The following STON1 variants were observed in gnomAD, a reference collection of about 807,000 sequenced individuals.
STON1 encodes the protein stonin-1.
In STON1, 79 loss-of-function variants were observed where a neutral mutation model predicts 60.9. The ratio of observed to expected loss-of-function variants is 1.30; its 90% confidence interval spans 1.08 to 1.56. The LOEUF (loss-of-function observed/expected upper bound fraction) is 1.56, where lower values mean the gene tolerates loss of function less well. Among genes scored for constraint, STON1 ranks in the 40% most tolerant of loss-of-function variants. STON1 has a pLI of 0.00. For synonymous variants in STON1, 363 were observed against 306.9 expected (o/e 1.18, Z -1.91); for missense variants, 1,166 against 858.9 (o/e 1.36, Z -4.47).
intron 1 of STON1, among the ~76,000 whole-genome samples, chr2:48,565,699 A>G (rs1672913756): frequency 6.6e-6 from 1 of 152,198 alleles, no homozygotes; most frequent in South Asian, 2.1e-4. Flanking sequence ...CTTCCTCCTG[A>G]CTGGAGAAAG....
In STON1 at chr2:48,550,184, G is replaced by A. The variant is rs112880561; in HGVS notation, c.-48+19968G>A. On this transcript the variant is annotated intron_variant, in intron 1 of 3. Transcript: ENST00000404752. Reference sequence around the variant, plus strand: ...TTCAGCAGCTATCAACAAGTACTCAGTGAATATAAATATATCTTAAGCATA... The same window carrying A: ...TTCAGCAGCTATCAACAAGTACTCAATGAATATAAATATATCTTAAGCATA... Among the ~76,000 whole-genome samples, 768 of 152,200 alleles carry A rather than the reference G, an allele frequency of 5.0e-3. 7 individuals carry two copies. Among genetic ancestry groups the A allele is most frequent in the African/African-American group, 0.018 (734 of 41,498 alleles).
intron 1 of STON1, among the ~76,000 whole-genome samples, chr2:48,559,027 A>T (rs1672501390): frequency 7.0e-6 from 1 of 142,592 alleles, no homozygotes; most frequent in South Asian, 2.4e-4. Context: ...GGATTTTCAG[A>T]TTAGGGATGC....
intron 1 of STON1, among the ~76,000 whole-genome samples, chr2:48,547,582 C>A (rs969572686): frequency 2.6e-5 from 4 of 152,218 alleles, no homozygotes; most frequent in African/African-American, 9.6e-5. Context: ...TGGAAGCAGG[C>A]TGGGCAGTGT....
rs543729177 is a variant in STON1 at position 48,580,899 on chromosome 2, C to A, written c.266C>A (p.Pro89Gln). ...SPLSTPTKDF[P>Q]GFPGIPKAGT... ...CTTTCTACACCTACCAAAGACTTCC[C>A]AGGTTTTCCTGGCATCCCCAAAGCA... The change falls in exon 2 of 4, where the codon CCA becomes CAA. Residue 89 changes from proline (P) to glutamine (Q), a missense_variant. Coordinates refer to ENST00000404752, the MANE Select transcript of STON1 (RefSeq NM_006873.4). 1 of 1,594,112 alleles carries A rather than the reference C, an allele frequency of 6.3e-7. No individual in the cohort carries two copies. The highest frequency in any genetic ancestry group is 1.2e-5 in the South Asian group (1 of 86,712).
chr2:48,582,729 C>A (rs1673968226), intron 2 of STON1, among the ~76,000 whole-genome samples, 166 bp downstream of exon 2: 1 of 152,090 alleles, frequency 6.6e-6, no homozygotes, highest in Admixed American at 6.5e-5. Flanking sequence ...TTATTTGTTT[C>A]CTTTTGCACC....
chr2:48,584,574 G>A (rs1319469533), intron 2 of STON1, among the ~76,000 whole-genome samples: 1 of 150,320 alleles, frequency 6.7e-6, no homozygotes, highest in Non-Finnish European at 1.5e-5. Flanking sequence ...GGCCAAACCT[G>A]ACTATATTAG....
chr2:48,567,997 A>G (rs1476650657), intron 1 of STON1, among the ~76,000 whole-genome samples: 1 of 152,232 alleles, frequency 6.6e-6, no homozygotes, highest in Non-Finnish European at 1.5e-5. Flanking sequence ...CACTGAAATT[A>G]AGACATTCTT....
chr2:48,539,912 C>G (rs1249229951), intron 1 of STON1, among the ~76,000 whole-genome samples: 1 of 152,140 alleles, frequency 6.6e-6, no homozygotes, highest in Non-Finnish European at 1.5e-5. Flanking sequence ...ACCTATTTCA[C>G]ATATGGAGCA....
intron 1 of STON1, among the ~76,000 whole-genome samples, chr2:48,553,058 T>C (rs916296925): frequency 5.6e-4 from 85 of 152,214 alleles, no homozygotes; most frequent in African/African-American, 2.0e-3. Flanking sequence ...TTACATGGCA[T>C]CTCAGACTCT....
chr2:48,543,155 A>G (rs1671726644), intron 1 of STON1, among the ~76,000 whole-genome samples: 1 of 151,654 alleles, frequency 6.6e-6, no homozygotes. Context: ...TTGTATTTCT[A>G]GTAGAGATGG....
intron 1 of STON1, among the ~76,000 whole-genome samples, chr2:48,547,967 A>T (rs1369879011): frequency 1.3e-5 from 2 of 152,208 alleles, no homozygotes; most frequent in East Asian, 1.9e-4. Context: ...TCTGCTTCTC[A>T]TGTCCTTACC....
Position 48,571,730 on chromosome 2 carries a change from G to A in STON1, c.-47-8857G>A, listed in dbSNP as rs534363691. Among the ~76,000 whole-genome samples, 66 of 152,326 alleles carry A rather than the reference G, an allele frequency of 4.3e-4. No individual in the cohort carries two copies. In the Middle Eastern group the frequency reaches 0.01, roughly 24 times the overall value. On this transcript the variant is annotated intron_variant, in intron 1 of 3. Coordinates refer to ENST00000404752, the MANE Select transcript of STON1 (RefSeq NM_006873.4). ...GAGAGGATTAGGAGGGAAGGAAAGG[G>A]AAAGAAGGTGCTGCATGAAATTGAT...
intron 2 of STON1, among the ~76,000 whole-genome samples, chr2:48,589,942 C>T (rs993230597): frequency 1.3e-5 from 2 of 152,174 alleles, no homozygotes; most frequent in Non-Finnish European, 2.9e-5. Context: ...GGTTAATCCT[C>T]ACAACAGCCC....
intron 1 of STON1, among the ~76,000 whole-genome samples, chr2:48,571,682 C>T (rs777266409): frequency 2.0e-5 from 3 of 152,126 alleles, no homozygotes; most frequent in Non-Finnish European, 4.4e-5. Flanking sequence ...AGGCTCTGGA[C>T]AGGGTGTGGC....
intron 1 of STON1, among the ~76,000 whole-genome samples, chr2:48,532,119 G>GGGCA (rs1022938872): frequency 6.6e-5 from 10 of 151,978 alleles, no homozygotes; most frequent in African/African-American, 1.9e-4. Flanking sequence ...AGGCCGGGGC[G>GGGCA]GGCAGATCAC....
chr2:48,585,737 GGAAA>G (rs1390852266), intron 2 of STON1, among the ~76,000 whole-genome samples: 1 of 152,174 alleles, frequency 6.6e-6, no homozygotes, highest in Non-Finnish European at 1.5e-5. Context: ...CAACAAAAAG[GGAAA>G]GAGAGGCAGG....
chr2:48,555,482 G>T (rs1463541581), intron 1 of STON1, among the ~76,000 whole-genome samples: 111 of 94,046 alleles, frequency 1.2e-3, no homozygotes, highest in Admixed American at 2.3e-3. Context: ...CGGACGGGGC[G>T]GCTGGCCGGG....
chr2:48,554,939 T>G (rs55662106), intron 1 of STON1, among the ~76,000 whole-genome samples: 2,289 of 63,494 alleles, frequency 0.036, 304 homozygotes, highest in African/African-American at 0.14. Context: ...TTAACGAGCA[T>G]GCTGCCTTCA....
intron 2 of STON1, among the ~76,000 whole-genome samples, chr2:48,585,719 G>A (rs1674171744): frequency 6.6e-6 from 1 of 152,316 alleles, no homozygotes; most frequent in South Asian, 2.1e-4. Context: ...ATTAGCTTTT[G>A]TTTTGCTCAA....
Sources: allele counts gnomAD v4.1 joint callset (sites outside exome capture counted in the v4.1 genomes callset), GRCh38; gene constraint gnomAD v4.1.1; transcripts MANE v1.5; gene names NCBI Gene and HGNC (gene_info 2026-07-23, HGNC 2026-07-21).